Variants in ATF7IP2 observed in about 807,000 individuals in gnomAD.
The protein encoded by ATF7IP2 is activating transcription factor 7 interacting protein 2.
A neutral mutation model predicts 64.2 loss-of-function variants in ATF7IP2; 42 were observed. The ratio of observed to expected loss-of-function variants is 0.65; its 90% CI spans 0.51 to 0.85. ATF7IP2 has a LOEUF of 0.85. Ranked by LOEUF, ATF7IP2 falls within the 40% of genes least tolerant of loss-of-function variation. The pLI, the probability that ATF7IP2 is intolerant of heterozygous loss-of-function variation, is 0.00. For synonymous variants in ATF7IP2, 308 were observed against 272.8 expected (o/e 1.13, Z -1.27); for missense variants, 933 against 784.2 (o/e 1.19, Z -2.27).
intron 8 of ATF7IP2, among the ~76,000 whole-genome samples, chr16:10,455,538 G>A (rs1276027564): frequency 6.6e-6 from 1 of 152,230 alleles, no homozygotes; most frequent in Non-Finnish European, 1.5e-5. Context: ...AAAGAATTTG[G>A]TACCAGGAAG....
intron 13 of ATF7IP2, among the ~76,000 whole-genome samples, chr16:10,481,324 G>T (rs764366340): frequency 6.6e-6 from 1 of 151,790 alleles, no homozygotes; most frequent in East Asian, 1.9e-4. Context: ...TCCACCTCCT[G>T]GGTTCAAGTG....
intron 1 of ATF7IP2, among the ~76,000 whole-genome samples, chr16:10,412,176 T>C (rs150451093): frequency 3.1e-4 from 47 of 151,958 alleles, no homozygotes; most frequent in African/African-American, 1.1e-3. Context: ...CAATTTCATT[T>C]AGCTCTGCTC....
At chr16:10,451,430 T>C (rs1275199398) in intron 8 of ATF7IP2, among the ~76,000 whole-genome samples, 4 of 152,192 alleles carry the variant, frequency 2.6e-5, no homozygotes, top group Non-Finnish European at 5.9e-5. Flanking sequence ...GGTTCCCTTC[T>C]CCCTGTCACT....
At chr16:10,421,562 A>G (rs777622542) in intron 3 of ATF7IP2, among the ~76,000 whole-genome samples, 4 of 152,186 alleles carry the variant, frequency 2.6e-5, no homozygotes, top group African/African-American at 7.2e-5. Context: ...CTGTGGCACA[A>G]TGGTAGTATC....
chr16:10,470,948 C>G (rs1309925902), intron 9 of ATF7IP2, among the ~76,000 whole-genome samples: 3 of 151,692 alleles, frequency 2.0e-5, no homozygotes, highest in South Asian at 4.2e-4. Flanking sequence ...ACTACACTAT[C>G]TTTGTTCAAG....
chr16:10,407,297 C>G (rs1321027163), intron 1 of ATF7IP2, among the ~76,000 whole-genome samples: 2 of 152,152 alleles, frequency 1.3e-5, no homozygotes, highest in African/African-American at 4.8e-5. Context: ...TACAAAAGAA[C>G]TACAAACCTT....
intron 9 of ATF7IP2, among the ~76,000 whole-genome samples, chr16:10,458,188 A>T (rs1286857885): frequency 1.3e-5 from 2 of 152,228 alleles, no homozygotes; most frequent in African/African-American, 2.4e-5. Context: ...GGGGGATTTC[A>T]CATGCAGTTG....
Position 10,440,414 on chromosome 16 carries a change from A to G in ATF7IP2, c.1146A>G (p.Gln382=). 2 of 1,570,268 alleles carry G rather than the reference A, an allele frequency of 1.3e-6. No individual in the cohort carries two copies. The highest frequency in any genetic ancestry group is 1.2e-5 in the South Asian group (1 of 83,340). Reference sequence around the variant, plus strand: ...GTATTAAAACAGTATTATTATTTCAAAGGAATTGTTTGAAACCAAACATGT... The same window carrying G: ...GTATTAAAACAGTATTATTATTTCAGAGGAATTGTTTGAAACCAAACATGT... The part of the protein sequence containing the change: ...QRRIKTVLLF[Q]RNCLKPNMLS... The change falls in exon 8 of 14, where the codon CAA becomes CAG. Residue 382 remains glutamine (Q), a synonymous_variant. Transcript: ENST00000562102.
intron 9 of ATF7IP2, among the ~76,000 whole-genome samples, chr16:10,461,402 A>G (rs569754162): frequency 6.6e-6 from 1 of 152,130 alleles, no homozygotes; most frequent in Non-Finnish European, 1.5e-5. Flanking sequence ...ATGTTTAGGA[A>G]TGTTTATTAG....
chr16:10,417,182 A>G (rs2047895857), intron 2 of ATF7IP2, among the ~76,000 whole-genome samples: 1 of 152,216 alleles, frequency 6.6e-6, no homozygotes, highest in African/African-American at 2.4e-5. Context: ...AATTTATACA[A>G]CAACTAGGTA....
At chr16:10,457,613 A>C (rs2049223729) in intron 9 of ATF7IP2, 84 bp downstream of exon 9, 1 of 1,013,952 alleles carries the variant, frequency 9.9e-7, no homozygotes, top group South Asian at 2.0e-5. Flanking sequence ...GATCTTTGTA[A>C]TATTGATTAT....
intron 1 of ATF7IP2, among the ~76,000 whole-genome samples, chr16:10,404,353 A>T (rs1181501512): frequency 6.6e-6 from 1 of 152,254 alleles, no homozygotes; most frequent in East Asian, 1.9e-4. Context: ...CCCAGGTTCA[A>T]GCGATTCTCC....
intron 8 of ATF7IP2, chr16:10,448,149 G>C (rs1397954427): frequency 1.3e-5 from 2 of 152,186 alleles, no homozygotes; most frequent in African/African-American, 4.8e-5. Flanking sequence ...TTTGGTACCA[G>C]TACCATGCTG....
intron 9 of ATF7IP2, among the ~76,000 whole-genome samples, chr16:10,463,207 T>C (rs1407804939): frequency 6.6e-6 from 1 of 152,172 alleles, no homozygotes; most frequent in Non-Finnish European, 1.5e-5. Flanking sequence ...ATATTGTATA[T>C]TGGAAACTGT....
In ATF7IP2 at chr16:10,482,525, G is replaced by A; in HGVS notation, c.*276G>A. The A allele has an allele frequency of 4.2e-6, 1 of 235,412 alleles. No homozygotes were observed. Among genetic ancestry groups the A allele is most frequent in the Middle Eastern group, 1.5e-3 (1 of 688 alleles). 14.6% of individuals were successfully genotyped at this position (235,412 alleles called of 1,614,324 possible). Reference sequence around the variant, plus strand: ...CAATACCTTTAGTGACTGTGGAACTGCTGCTTCTATCAGAAGACCTAGGAT... The same window carrying A: ...CAATACCTTTAGTGACTGTGGAACTACTGCTTCTATCAGAAGACCTAGGAT... On this transcript the variant is annotated 3_prime_UTR_variant, in exon 14 of 14. Transcript: ENST00000562102.
intron 1 of ATF7IP2, among the ~76,000 whole-genome samples, chr16:10,390,941 T>C (rs764070155): frequency 6.6e-6 from 1 of 152,070 alleles, no homozygotes; most frequent in Non-Finnish European, 1.5e-5. Context: ...GACTGGAGGA[T>C]TACTTAAGCC....
intron 9 of ATF7IP2, 158 bp downstream of exon 9, chr16:10,457,687 G>A (rs1444561717): frequency 8.7e-6 from 5 of 577,724 alleles, no homozygotes; most frequent in African/African-American, 2.0e-5. Context: ...TCAGTTGTGG[G>A]GGTTTTTTTT....
In ATF7IP2 at chr16:10,468,669, C is replaced by A. The variant is rs188373382; in HGVS notation, c.1353-3441C>A. The stretch of plus-strand genomic sequence containing the variant: ...TGAAGAGAAAAAAATTCAGATAGAG[C>A]TCTGAAGATCTGCAAAGGGGCCTTG... On this transcript the variant is annotated intron_variant, in intron 9 of 13. Transcript: ENST00000562102. Among the ~76,000 whole-genome samples, 4 of 152,262 alleles carry A rather than the reference C, an allele frequency of 2.6e-5. 1 individual carries two copies. The highest frequency in any genetic ancestry group is 2.6e-4 in the Admixed American group (4 of 15,294).
chr16:10,409,293 A>G (rs1264299862), intron 1 of ATF7IP2, among the ~76,000 whole-genome samples: 1 of 152,138 alleles, frequency 6.6e-6, no homozygotes, highest in African/African-American at 2.4e-5. Context: ...ATTGATTAGA[A>G]CTGATAGGAA....
Sources: allele counts gnomAD v4.1 joint callset (sites outside exome capture counted in the v4.1 genomes callset), GRCh38; gene constraint gnomAD v4.1.1; transcripts MANE v1.5; gene names NCBI Gene and HGNC (gene_info 2026-07-23, HGNC 2026-07-21).